The following C1orf87 variants were observed in gnomAD, a reference collection of about 807,000 sequenced individuals.
The protein encoded by C1orf87 is chromosome 1 open reading frame 87, also known as uncharacterized protein C1orf87.
C1orf87 carries 58 observed loss-of-function variants against 60.5 expected under a neutral mutation model. The ratio of observed to expected loss-of-function variants is 0.96; its 90% CI spans 0.78 to 1.19. C1orf87 has a LOEUF of 1.19. Among genes scored for constraint, C1orf87 ranks in the 50% most tolerant of loss-of-function variants. The probability of loss-of-function intolerance (pLI) is 0.00; values close to 1 mark genes in which losing one functional copy is unlikely to be tolerated. For synonymous variants in C1orf87, 236 were observed against 227.4 expected (o/e 1.04, Z -0.34); for missense variants, 673 against 638.6 (o/e 1.05, Z -0.58).
chr1:59,993,921 G>T (rs1340367169), intron 11 of C1orf87, among the ~76,000 whole-genome samples: 2 of 151,912 alleles, frequency 1.3e-5, no homozygotes, highest in Non-Finnish European at 2.9e-5. Context: ...ACCACAGCCG[G>T]CTCATTTTTG....
At chr1:60,037,828 A>G (rs1645288362) in intron 6 of C1orf87, among the ~76,000 whole-genome samples, 164 bp downstream of exon 6, 2 of 152,320 alleles carry the variant, frequency 1.3e-5, no homozygotes, top group African/African-American at 2.4e-5. Flanking sequence ...CCAGAACTCA[A>G]CCATGCTGGT....
intron 5 of C1orf87, among the ~76,000 whole-genome samples, chr1:60,039,445 C>T (rs1645302092): frequency 6.6e-6 from 1 of 152,218 alleles, no homozygotes; most frequent in African/African-American, 2.4e-5. Flanking sequence ...CATTAATTCT[C>T]TGAGTCTCCT....
chr1:60,023,244 T>A (rs1250297375), intron 8 of C1orf87, among the ~76,000 whole-genome samples: 1 of 152,032 alleles, frequency 6.6e-6, no homozygotes, highest in Non-Finnish European at 1.5e-5. Context: ...TCTCCAAATT[T>A]GAAAAAAATG....
chr1:60,014,668 C>CA (rs1401044064), intron 8 of C1orf87, among the ~76,000 whole-genome samples: 4 of 152,090 alleles, frequency 2.6e-5, no homozygotes, highest in African/African-American at 9.7e-5. Flanking sequence ...AGGCTTAAGT[C>CA]AAAAGGTTTG....
In C1orf87 at chr1:60,025,682, T is replaced by C. The variant is rs146415126; in HGVS notation, c.1030-184A>G. Reference sequence around the variant, plus strand: ...TTCAGGATACCATTTAGGACAAGAATGTGCAACTGAATGCTTACCAGCAAG... The same window carrying C: ...TTCAGGATACCATTTAGGACAAGAACGTGCAACTGAATGCTTACCAGCAAG... On this transcript the variant is annotated intron_variant, in intron 7 of 11. Coordinates refer to ENST00000371201, the MANE Select transcript of C1orf87 (RefSeq NM_152377.3). Among the ~76,000 whole-genome samples, 895 of 152,324 alleles carry C rather than the reference T, an allele frequency of 5.9e-3. 14 individuals carry two copies. Among genetic ancestry groups the C allele is most frequent in the African/African-American group, 0.02 (822 of 41,574 alleles).
rs1231452866 is a variant in C1orf87, at chr1:60,002,936, G to A, written c.1193-1780C>T. On this transcript the variant is annotated intron_variant, in intron 9 of 11. Transcript: ENST00000371201. The stretch of plus-strand genomic sequence containing the variant: ...GGCGATTCCTCAGGGATCTAGAACT[G>A]GAAATACCATTTGACCCAGCCATCC... 1.6e-3 allele frequency among the ~76,000 whole-genome samples: 241 copies of A among 151,106 alleles called. 1 individual carries two copies. The highest frequency in any genetic ancestry group is 5.2e-3 in the African/African-American group (212 of 41,100).
rs979899195 is a variant in C1orf87 at position 59,990,588 on chromosome 1, C to T, written c.*85G>A. 1.3e-6 allele frequency: 2 copies of T among 1,508,140 alleles called. No individual in the cohort carries two copies. Among genetic ancestry groups the T allele is most frequent in the Non-Finnish European group, 9.0e-7 (1 of 1,105,878 alleles). The allele number at this position is 1,508,140 out of a possible 1,614,324, so 93.4% of individuals were successfully genotyped here. Reference sequence around the variant, plus strand: ...GCCTCCACTCTGACAATGCCTCCGCCACTACACTTAGGCTGGGGAGAAACA... The same window carrying T: ...GCCTCCACTCTGACAATGCCTCCGCTACTACACTTAGGCTGGGGAGAAACA... On this transcript the variant is annotated 3_prime_UTR_variant, in exon 12 of 12. Transcript: ENST00000371201.
chr1:60,012,100 C>T (rs1645089452), intron 8 of C1orf87, among the ~76,000 whole-genome samples: 1 of 151,914 alleles, frequency 6.6e-6, no homozygotes, highest in Non-Finnish European at 1.5e-5. Context: ...CTCCTGTCTT[C>T]TACACTTCCT....
intron 3 of C1orf87, among the ~76,000 whole-genome samples, chr1:60,044,899 T>C (rs540676013): frequency 1.3e-5 from 2 of 152,286 alleles, no homozygotes; most frequent in East Asian, 3.9e-4. Flanking sequence ...ATCCTAGTTG[T>C]GTGATGTTTG....
intron 3 of C1orf87, among the ~76,000 whole-genome samples, chr1:60,050,480 T>C (rs775246096): frequency 1.5e-4 from 22 of 151,282 alleles, no homozygotes; most frequent in Non-Finnish European, 2.7e-4. Flanking sequence ...AGGCCATTGA[T>C]TTGTGTTATT....
chr1:59,992,258 ATTTATTTT>A (rs1644929608), intron 11 of C1orf87, among the ~76,000 whole-genome samples: 1 of 136,868 alleles, frequency 7.3e-6, no homozygotes, highest in South Asian at 2.3e-4. Context: ...TTATTTATTT[ATTTATTTT>A]TTATTTTGAG....
At chr1:59,997,582 A>C in intron 11 of C1orf87, 27 bp downstream of exon 11, 1 of 1,610,594 alleles carries the variant, frequency 6.2e-7, no homozygotes, top group East Asian at 2.2e-5. Flanking sequence ...ATAGAAACCT[A>C]TGCCAGCTTT....
chr1:60,042,052 CCTT>C (rs1445051983), intron 3 of C1orf87, among the ~76,000 whole-genome samples: 4 of 152,170 alleles, frequency 2.6e-5, no homozygotes, highest in Non-Finnish European at 4.4e-5. Context: ...CCTTGCTCCT[CCTT>C]CTTCCTTCTT....
intron 9 of C1orf87, chr1:60,008,565 A>G: frequency 3.5e-6 from 1 of 284,976 alleles, no homozygotes; most frequent in Middle Eastern, 4.3e-4. Flanking sequence ...TGTCCTTACA[A>G]GAAGAGGAAA....
Position 60,038,133 on chromosome 1 carries a change from A to T in C1orf87, c.748-26T>A, listed in dbSNP as rs191268282. 257 of 1,392,280 alleles carry T rather than the reference A, an allele frequency of 1.8e-4. No homozygotes were observed. In the African/African-American group the frequency reaches 3.0e-3, roughly 16 times the overall value. 86.2% of individuals were successfully genotyped at this position (1,392,280 alleles called of 1,614,324 possible). A position where few individuals can be genotyped will look rare whatever the true frequency, so the allele number is the denominator to read the frequency against. ...CTGAAAATTAAATGTAAAATAGAACATCCTCATTTAATTTATATGTAAGGA... is the reference window on the plus strand; with the variant it reads ...CTGAAAATTAAATGTAAAATAGAACTTCCTCATTTAATTTATATGTAAGGA... On this transcript the variant is annotated intron_variant, in intron 5 of 11. Transcript: ENST00000371201.
intron 9 of C1orf87, among the ~76,000 whole-genome samples, chr1:60,001,557 T>C (rs532482503): frequency 1.3e-5 from 2 of 152,062 alleles, no homozygotes; most frequent in African/African-American, 2.4e-5. Flanking sequence ...TTATCACTAC[T>C]GAAGAGGAGT....
chr1:60,022,220 G>A (rs552899548), intron 8 of C1orf87, among the ~76,000 whole-genome samples: 4 of 151,470 alleles, frequency 2.6e-5, no homozygotes, highest in South Asian at 4.2e-4. Context: ...CAATAGCTGT[G>A]GGAGTGAGGA....
At position 60,037,089 on chromosome 1, in the gene C1orf87, A is replaced by G. The variant is rs143203798; in HGVS notation, c.863+903T>C. 1.1e-4 allele frequency among the ~76,000 whole-genome samples: 16 copies of G among 151,722 alleles called. No individual in the cohort carries two copies. The East Asian group carries it at 3.1e-3, about 29-fold the overall frequency. On this transcript the variant is annotated intron_variant, in intron 6 of 11. Coordinates refer to ENST00000371201, the MANE Select transcript of C1orf87 (RefSeq NM_152377.3). ...CTATGTTGGCCTGCGCACAAAAAAG[A>G]GAGAGAGAGAAAACTCTGAGCACAA...
intron 8 of C1orf87, among the ~76,000 whole-genome samples, chr1:60,012,283 G>A (rs1392401529): frequency 6.6e-6 from 1 of 151,964 alleles, no homozygotes; most frequent in Admixed American, 6.6e-5. Flanking sequence ...GAATTATCAG[G>A]TAGTGTTCTC....
Sources: gnomAD v4.1 joint callset for allele counts (sites outside exome capture counted in the v4.1 genomes callset) on GRCh38, gnomAD v4.1.1 for gene constraint, MANE v1.5 for transcripts, NCBI Gene and HGNC (gene_info 2026-07-23, HGNC 2026-07-21) for gene names.